Variants in MAP2K5 observed in about 807,000 individuals in gnomAD.
MAP2K5 encodes the protein mitogen-activated protein kinase kinase 5.
In MAP2K5, 49 loss-of-function variants were observed where a neutral mutation model predicts 83.1. That is an observed-to-expected ratio of 0.59 (90% CI 0.47 to 0.75). MAP2K5 has a LOEUF of 0.75. Among genes scored for constraint, MAP2K5 ranks in the 30% least tolerant of loss-of-function variants. MAP2K5 has a pLI of 0.00. For synonymous variants in MAP2K5, 202 were observed against 191.8 expected, an observed-to-expected ratio of 1.05 and a Z score of -0.44; for missense variants, 457 against 557.5, an observed-to-expected ratio of 0.82 and a Z score of 1.82.
intron 9 of MAP2K5, among the ~76,000 whole-genome samples, chr15:67,633,453 A>G (rs1376085852): frequency 6.6e-6 from 1 of 152,260 alleles, no homozygotes; most frequent in Non-Finnish European, 1.5e-5. Context: ...AATTATGTTT[A>G]TATAGACTAA....
rs958951181 is a variant in MAP2K5 at position 67,748,986 on chromosome 15, G to C, written c.1134+385G>C. Among the ~76,000 whole-genome samples, 2 of 152,216 alleles carry C rather than the reference G, an allele frequency of 1.3e-5. No homozygotes were observed. Among genetic ancestry groups the C allele is most frequent in the Non-Finnish European group, 2.9e-5 (2 of 68,044 alleles). On this transcript the variant is annotated intron_variant, in intron 19 of 21. Coordinates refer to ENST00000178640, the MANE Select transcript of MAP2K5 (RefSeq NM_145160.3). The surrounding 1 kb of genome is among the most constrained non-coding windows in gnomAD (Gnocchi z 4.0). ...GGTCAGAGTTGAAGAGCAAGCATAAGCTGGATGAAATTTGCCTGCCTTGAG... is the reference window on the plus strand; with the variant it reads ...GGTCAGAGTTGAAGAGCAAGCATAACCTGGATGAAATTTGCCTGCCTTGAG...
chr15:67,578,430 T>C (rs1296310828), intron 3 of MAP2K5, among the ~76,000 whole-genome samples: 1 of 152,212 alleles, frequency 6.6e-6, no homozygotes, highest in Non-Finnish European at 1.5e-5. Flanking sequence ...ATTACCTCCC[T>C]TTACAGCATG....
chr15:67,706,440 G>A (rs2088556214), intron 16 of MAP2K5, among the ~76,000 whole-genome samples: 1 of 152,172 alleles, frequency 6.6e-6, no homozygotes, highest in Non-Finnish European at 1.5e-5. Context: ...TAAGGACTGT[G>A]TTGGCTCGTG....
chr15:67,740,124 T>C (rs1310122664), intron 17 of MAP2K5, among the ~76,000 whole-genome samples: 2 of 152,218 alleles, frequency 1.3e-5, no homozygotes, highest in African/African-American at 4.8e-5. Flanking sequence ...TTAGCCCTGC[T>C]ACTAGGTTTC....
intron 13 of MAP2K5, among the ~76,000 whole-genome samples, chr15:67,691,349 A>C (rs538744053): frequency 2.0e-5 from 3 of 152,356 alleles, no homozygotes; most frequent in South Asian, 4.1e-4. Context: ...GAAAATGCCA[A>C]GCACATTGCC....
chr15:67,621,769 A>G (rs1057450627), intron 8 of MAP2K5, among the ~76,000 whole-genome samples: 3 of 152,248 alleles, frequency 2.0e-5, no homozygotes, highest in Non-Finnish European at 2.9e-5. Context: ...AGTTTTAGGC[A>G]CTGGAAATAA....
chr15:67,563,411 TC>T lies in MAP2K5; in HGVS notation c.252+62del. ...TCTTAACGTGATTGAGGATGCTGTT[TC>T]TTGGGCATAGTGAAGACGAGTAAAT... On this transcript the variant is annotated intron_variant, in intron 3 of 21. Coordinates refer to ENST00000178640, the MANE Select transcript of MAP2K5 (RefSeq NM_145160.3). The surrounding 1 kb of genome is among the most constrained non-coding windows in gnomAD (Gnocchi z 4.5). 1.3e-6 allele frequency: 2 copies of T among 1,564,558 alleles called. No individual in the cohort carries two copies. The highest frequency in any genetic ancestry group is 1.2e-5 in the South Asian group (1 of 83,260).
At chr15:67,735,094 A>G (rs2089308887) in intron 17 of MAP2K5, among the ~76,000 whole-genome samples, 2 of 152,234 alleles carry the variant, frequency 1.3e-5, no homozygotes, top group Admixed American at 1.3e-4. Context: ...TCACTTATAC[A>G]CATTTGCTTC....
chr15:67,627,957 A>C (rs1470225963), intron 8 of MAP2K5: 8 of 769,932 alleles, frequency 1.0e-5, no homozygotes, highest in East Asian at 3.0e-5. Flanking sequence ...CATTTTAAGC[A>C]ATGGGGAACA....
At chr15:67,627,800 C>T (rs58549750) in intron 8 of MAP2K5, 48,326 of 355,054 alleles carry the variant, frequency 0.14, 3,571 homozygotes, top group African/African-American at 0.16. Context: ...CCTTTCTGCT[C>T]GTGGACGCCA....
chr15:67,550,621 A>C (rs1434921138), intron 2 of MAP2K5, among the ~76,000 whole-genome samples: 1 of 152,164 alleles, frequency 6.6e-6, no homozygotes, highest in South Asian at 2.1e-4. Flanking sequence ...CTGTTTTGTC[A>C]TGAACCAGGT....
chr15:67,711,652 C>G (rs969197775), intron 16 of MAP2K5, among the ~76,000 whole-genome samples: 3 of 144,272 alleles, frequency 2.1e-5, no homozygotes, highest in Middle Eastern at 3.5e-3. Context: ...GATTTACACA[C>G]GCACACACAG....
chr15:67,806,925 A>AC lies in MAP2K5; in HGVS notation c.*179dup. On this transcript the variant is annotated 3_prime_UTR_variant, in exon 22 of 22. Transcript: ENST00000178640. ...GCCTGGGGAGCCCCATGTGTGGCCC[A>AC]CCCCACCAGGCCATCCCCATACCTT... is the stretch of plus-strand genomic sequence containing the variant. 6.3e-7 allele frequency: 1 copy of AC among 1,585,992 alleles called. No individual in the cohort carries two copies. Among genetic ancestry groups the AC allele is most frequent in the Non-Finnish European group, 8.5e-7 (1 of 1,174,368 alleles).
At chr15:67,599,989 G>A (rs1442091791) in intron 7 of MAP2K5, among the ~76,000 whole-genome samples, 3 of 141,224 alleles carry the variant, frequency 2.1e-5, no homozygotes, top group Non-Finnish European at 3.2e-5. Context: ...TGAAAAACAT[G>A]CAAACTTATA....
intron 3 of MAP2K5, among the ~76,000 whole-genome samples, chr15:67,578,347 G>A (rs1445186232): frequency 6.6e-6 from 1 of 152,208 alleles, no homozygotes; most frequent in East Asian, 1.9e-4. Flanking sequence ...AGTAGCCTGA[G>A]TTTCTAGGCC....
intron 21 of MAP2K5, among the ~76,000 whole-genome samples, chr15:67,784,817 C>T: frequency 6.6e-6 from 1 of 152,164 alleles, no homozygotes; most frequent in East Asian, 1.9e-4. Flanking sequence ...GGGCAACTTC[C>T]AAGAGATGAT....
Position 67,577,510 on chromosome 15 carries a change from C to T in MAP2K5, c.253-3244C>T, listed in dbSNP as rs189815840. Among the ~76,000 whole-genome samples the T allele has an allele frequency of 6.6e-6, 1 of 152,124 alleles. No individual in the cohort carries two copies. The highest frequency in any genetic ancestry group is 1.5e-5 in the Non-Finnish European group (1 of 68,034). On this transcript the variant is annotated intron_variant, in intron 3 of 21. Transcript: ENST00000178640. This position sits in a 1 kb window ranked among gnomAD's most constrained non-coding sequence, Gnocchi z 4.1. ...GAAGGTTACTTTGTTACATTTCTGTCCAAGCTATTATGTTCAGTATCTTAG... is the reference window on the plus strand; with the variant it reads ...GAAGGTTACTTTGTTACATTTCTGTTCAAGCTATTATGTTCAGTATCTTAG...
intron 13 of MAP2K5, among the ~76,000 whole-genome samples, chr15:67,672,396 C>T (rs1487577746): frequency 2.0e-5 from 3 of 152,136 alleles, no homozygotes; most frequent in Admixed American, 1.3e-4. Flanking sequence ...TTTTGATTTG[C>T]ATTTCTCTGA....
Position 67,779,140 on chromosome 15 carries a change from A to G in MAP2K5, c.1242+6388A>G, listed in dbSNP as rs2090284717. ...GCTGGGATTGTAACTTCAGCTGAGT[A>G]TTTCCATCATGCACAAAAGTCATCA... On this transcript the variant is annotated intron_variant, in intron 21 of 21. Transcript: ENST00000178640. The surrounding 1 kb of genome is among the most constrained non-coding windows in gnomAD (Gnocchi z 4.6). 6.6e-6 allele frequency among the ~76,000 whole-genome samples: 1 copy of G among 152,174 alleles called. No homozygotes were observed. Among genetic ancestry groups the G allele is most frequent in the Admixed American group, 6.5e-5 (1 of 15,292 alleles).
Sources: allele counts gnomAD v4.1 joint callset (sites outside exome capture counted in the v4.1 genomes callset), GRCh38; gene constraint gnomAD v4.1.1; non-coding constraint Gnocchi (gnomAD v3.1); transcripts MANE v1.5; gene names NCBI Gene and HGNC (gene_info 2026-07-23, HGNC 2026-07-21).